The following TBCD variants were observed in gnomAD, a reference collection of about 807,000 sequenced individuals.
TBCD encodes the protein tubulin-specific chaperone D.
TBCD carries 105 observed loss-of-function variants against 169.3 expected under a neutral mutation model. The observed-to-expected ratio is 0.62, with a 90% CI of 0.53 to 0.73. The LOEUF (loss-of-function observed/expected upper bound fraction) is 0.73. Ranked by LOEUF, TBCD falls within the 30% of genes least tolerant of loss-of-function variation. The pLI is 0.00. For synonymous variants in TBCD, 700 were observed against 643.9 expected (o/e 1.09, Z -1.32); for missense variants, 1,444 against 1,600.1 (o/e 0.90, Z 1.66).
chr17:82,872,880 A>T (rs537790547), intron 14 of TBCD, among the ~76,000 whole-genome samples: 86 of 140,258 alleles, frequency 6.1e-4, no homozygotes, highest in Non-Finnish European at 1.0e-3. Flanking sequence ...CAGGCCCATC[A>T]CCTGGTGGCC....
At position 82,831,217 on chromosome 17, in the gene TBCD, C is replaced by T. The variant is rs757683345; in HGVS notation, c.1318+16283C>T. The T allele has an allele frequency of 3.5e-5, 56 of 1,613,926 alleles. No individual in the cohort carries two copies. The highest frequency in any genetic ancestry group is 4.5e-5 in the Non-Finnish European group (53 of 1,180,040). On this transcript the variant is annotated intron_variant, in intron 13 of 38. Transcript: ENST00000355528. The surrounding 1 kb of genome is among the most constrained non-coding windows in gnomAD (Gnocchi z 4.6). Reference sequence around the variant, plus strand: ...CATGAAGTCGGTGGGGCTCGGCCTCCCTGGGGAGCCCGTGGCTGCACTCCC... The same window carrying T: ...CATGAAGTCGGTGGGGCTCGGCCTCTCTGGGGAGCCCGTGGCTGCACTCCC...
chr17:82,914,575 C>T (rs8078790), intron 23 of TBCD, among the ~76,000 whole-genome samples: 2 of 151,914 alleles, frequency 1.3e-5, no homozygotes, highest in African/African-American at 4.8e-5. Context: ...CATGTCGCCT[C>T]GCACCGTGGC....
chr17:82,806,427 G>A lies in TBCD; in HGVS notation c.1087+416G>A, dbSNP rs576413513. On this transcript the variant is annotated intron_variant, in intron 10 of 38. Transcript: ENST00000355528. This position sits in a 1 kb window ranked among gnomAD's most constrained non-coding sequence, Gnocchi z 5.1. ...CCCTTAAACCACATTACACCTTGCA[G>A]GGGTCTCCATCCACTGCCCTGTTCT... is the stretch of plus-strand genomic sequence containing the variant. Among the ~76,000 whole-genome samples, 6 of 152,116 alleles carry A rather than the reference G, an allele frequency of 3.9e-5. No homozygotes were observed. Among genetic ancestry groups the A allele is most frequent in the Non-Finnish European group, 7.4e-5 (5 of 68,002 alleles).
At chr17:82,826,223 CT>C (rs553261050) in intron 13 of TBCD, among the ~76,000 whole-genome samples, 45 of 148,072 alleles carry the variant, frequency 3.0e-4, no homozygotes, top group South Asian at 4.3e-4. Flanking sequence ...TGTTCATGAC[CT>C]TTTTTTTTTA....
At chr17:82,848,679 T>C (rs1463182718) in intron 13 of TBCD, among the ~76,000 whole-genome samples, 1 of 152,200 alleles carries the variant, frequency 6.6e-6, no homozygotes, top group Non-Finnish European at 1.5e-5. Flanking sequence ...TCTTCTTTTT[T>C]TTCATGCTAC....
In TBCD at chr17:82,911,743, T is replaced by C. The variant is rs1231122363; in HGVS notation, c.2007-15T>C. 3.1e-6 allele frequency: 5 copies of C among 1,613,702 alleles called. No homozygotes were observed. The highest frequency in any genetic ancestry group is 4.2e-6 in the Non-Finnish European group (5 of 1,179,692). On this transcript the variant is annotated splice_polypyrimidine_tract_variant and intron_variant, in intron 22 of 38. Transcript: ENST00000355528. ...AAGAGGTTCTTCTAATTCTGATGTT[T>C]TCATTCCTTTTCAGGGGTCTGGGAG...
In TBCD at chr17:82,884,349, C is replaced by G; in HGVS notation, c.1533+147C>G. On this transcript the variant is annotated intron_variant, in intron 15 of 38. Transcript: ENST00000355528. This position sits in a 1 kb window ranked among gnomAD's most constrained non-coding sequence, Gnocchi z 4.2. The stretch of plus-strand genomic sequence containing the variant: ...AGCTGCTGAGAGTGCCAGCTGCGGG[C>G]AGGCCACTGGTTCTTACTGTCTCTG... 1.3e-6 allele frequency: 1 copy of G among 750,714 alleles called. No individual in the cohort carries two copies. Among genetic ancestry groups the G allele is most frequent in the Non-Finnish European group, 2.3e-6 (1 of 440,248 alleles). The allele number at this position is 750,714 out of a possible 1,614,324, so 46.5% of individuals were successfully genotyped here. A position where few individuals can be genotyped will look rare whatever the true frequency, so the allele number is the denominator to read the frequency against.
At chr17:82,801,187 C>T (rs528975280) in intron 9 of TBCD, among the ~76,000 whole-genome samples, 191 bp downstream of exon 9, 137 of 152,030 alleles carry the variant, frequency 9.0e-4, no homozygotes, top group African/African-American at 2.5e-3. Context: ...GTTCTGGACA[C>T]AGTTGGGGGC....
Position 82,831,161 on chromosome 17 carries a change from C to A in TBCD, c.1318+16227C>A. The A allele has an allele frequency of 1.2e-6, 2 of 1,614,114 alleles. No homozygotes were observed. The highest frequency in any genetic ancestry group is 1.7e-6 in the Non-Finnish European group (2 of 1,180,036). On this transcript the variant is annotated intron_variant, in intron 13 of 38. Transcript: ENST00000355528. The surrounding 1 kb of genome is among the most constrained non-coding windows in gnomAD (Gnocchi z 4.6). ...CTGGAGGCTGCCTTGTTGGAGAGGT[C>A]GTACAGGCCTTCGCAGGTCTGGCTC...
At chr17:82,860,776 G>A (rs1214709303) in intron 13 of TBCD, among the ~76,000 whole-genome samples, 2 of 152,212 alleles carry the variant, frequency 1.3e-5, no homozygotes, top group South Asian at 2.1e-4. Context: ...CCGTGTCCGG[G>A]CTGTGTAAGA....
At chr17:82,752,838 TGA>T (rs2047183911) in intron 1 of TBCD, among the ~76,000 whole-genome samples, 2 of 151,842 alleles carry the variant, frequency 1.3e-5, no homozygotes, top group East Asian at 1.9e-4. Context: ...AGATAGGGAA[TGA>T]GAGAGGGGGA....
chr17:82,752,100 TTTCATCCCTCATCC>T lies in TBCD; in HGVS notation c.-84_-71del, dbSNP rs1364251558. On this transcript the variant is annotated 5_prime_UTR_variant, in exon 1 of 39. Coordinates refer to ENST00000355528, the MANE Select transcript of TBCD (RefSeq NM_005993.5). ...GTTGCCGCCTTAGCGGGCGCCTCCT[TTTCATCCCTCATCC>T]TTCATCCCTGGCTTTCGCGCTCTAG... 1.6e-5 allele frequency: 21 copies of T among 1,328,460 alleles called. No individual in the cohort carries two copies. In the East Asian group the frequency reaches 6.3e-4, roughly 40 times the overall value. 82.3% of individuals were successfully genotyped at this position (1,328,460 alleles called of 1,614,324 possible).
chr17:82,830,500 T>C (rs1179824772), intron 13 of TBCD: 6 of 1,613,396 alleles, frequency 3.7e-6, no homozygotes, highest in Non-Finnish European at 5.1e-6. Context: ...CCCGTCACCG[T>C]CGAGGCTGCC....
intron 5 of TBCD, among the ~76,000 whole-genome samples, chr17:82,769,029 C>T (rs1370376101): frequency 6.6e-6 from 1 of 152,176 alleles, no homozygotes; most frequent in African/African-American, 2.4e-5. Flanking sequence ...TGCATATAAA[C>T]ACAGCTTATT....
At chr17:82,801,699 G>A (rs534833725) in intron 9 of TBCD, among the ~76,000 whole-genome samples, 4 of 130,132 alleles carry the variant, frequency 3.1e-5, no homozygotes, top group African/African-American at 8.8e-5. Context: ...CGGCGTGTGC[G>A]TTGTGTGGCT....
rs2061767655 is a variant in TBCD at position 82,926,427 on chromosome 17, C to CA, written c.2408dup (p.His803GlnfsTer11). The CA allele has an allele frequency of 6.2e-7, 1 of 1,613,886 alleles. No homozygotes were observed. The highest frequency in any genetic ancestry group is 8.5e-7 in the Non-Finnish European group (1 of 1,179,886). On this transcript the variant is annotated frameshift_variant, in exon 28 of 39. Coordinates refer to ENST00000355528, the MANE Select transcript of TBCD (RefSeq NM_005993.5). LOFTEE classifies it high-confidence loss of function. ...TCTCACAGGTTTAAGAGCAGTTACC[C>CA]ACACTTCCCCCGAGGACGTAAGTTT...
rs1567887835 is a variant in TBCD, at chr17:82,850,152, G to GTGCTGTTGTTGC, written c.1319-20072_1319-20071insTGCTGTTGTTGC. Among the ~76,000 whole-genome samples the GTGCTGTTGTTGC allele has an allele frequency of 2.1e-4, 8 of 37,496 alleles. 2 individuals carry two copies. The highest frequency in any genetic ancestry group is 1.1e-3 in the African/African-American group (8 of 7,276). 24.6% of individuals were successfully genotyped at this position (37,496 alleles called of 152,430 possible). On this transcript the variant is annotated intron_variant, in intron 13 of 38. Coordinates refer to ENST00000355528, the MANE Select transcript of TBCD (RefSeq NM_005993.5). ...GTTGTTGTTGGCTGTGCTGTTGTTG[G>GTGCTGTTGTTGC]CTGTGCTGTTGTTGCCTGTGCTGCT...
Position 82,880,775 on chromosome 17 carries a change from A to G in TBCD, c.1476-3370A>G, listed in dbSNP as rs927732116. ...AGGAGGGGCTGGGCGGGGAGGACGCAGGGTCTGTCGGAGCATAGCAGTGGC... is the reference window on the plus strand; with the variant it reads ...AGGAGGGGCTGGGCGGGGAGGACGCGGGGTCTGTCGGAGCATAGCAGTGGC... On this transcript the variant is annotated intron_variant, in intron 14 of 38. Coordinates refer to ENST00000355528, the MANE Select transcript of TBCD (RefSeq NM_005993.5). The surrounding 1 kb of genome is among the most constrained non-coding windows in gnomAD (Gnocchi z 5.0). 6.6e-6 allele frequency among the ~76,000 whole-genome samples: 1 copy of G among 152,178 alleles called. No individual in the cohort carries two copies. The highest frequency in any genetic ancestry group is 1.5e-5 in the Non-Finnish European group (1 of 68,016).
chr17:82,822,760 C>T (rs1178425512), intron 13 of TBCD, among the ~76,000 whole-genome samples: 1 of 152,204 alleles, frequency 6.6e-6, no homozygotes, highest in African/African-American at 2.4e-5. Context: ...AACTCAACGA[C>T]TTTGCTGTTC....
Sources: allele counts gnomAD v4.1 joint callset (sites outside exome capture counted in the v4.1 genomes callset), GRCh38; gene constraint gnomAD v4.1.1; non-coding constraint Gnocchi (gnomAD v3.1); transcripts MANE v1.5; gene names NCBI Gene and HGNC (gene_info 2026-07-23, HGNC 2026-07-21).